Variants in ITGA1 observed in about 807,000 individuals in gnomAD.
ITGA1 encodes integrin subunit alpha 1, also known as integrin alpha-1.
In ITGA1, 85 loss-of-function variants were observed where a neutral mutation model predicts 145.9. That is an observed-to-expected ratio of 0.58 (90% confidence interval 0.49 to 0.70). ITGA1 has a LOEUF of 0.70. Ranked by LOEUF, ITGA1 falls within the 30% of genes least tolerant of loss-of-function variation. The pLI, the probability that ITGA1 is intolerant of heterozygous loss-of-function variation, is 0.00. For missense variants in ITGA1, 1,351 were observed against 1,418.7 expected (o/e 0.95, Z 0.77); for synonymous variants, 520 against 495.3 (o/e 1.05, Z -0.66).
intron 14 of ITGA1, among the ~76,000 whole-genome samples, chr5:52,912,558 AC>A (rs1750577430): frequency 7.5e-6 from 1 of 133,420 alleles, no homozygotes. Flanking sequence ...TAGTGTATCC[AC>A]TATAGGTATT....
chr5:52,828,246 A>T (rs1749001009), intron 1 of ITGA1, among the ~76,000 whole-genome samples: 1 of 152,182 alleles, frequency 6.6e-6, no homozygotes, highest in South Asian at 2.1e-4. Context: ...CCATAGCAAC[A>T]TTACCACTTT....
intron 1 of ITGA1, among the ~76,000 whole-genome samples, chr5:52,793,577 A>G (rs1748282845): frequency 6.6e-6 from 1 of 152,116 alleles, no homozygotes; most frequent in African/African-American, 2.4e-5. Context: ...TCAATAATAT[A>G]CAGTGTATGG....
chr5:52,883,324 G>A (rs1749991844), intron 7 of ITGA1, among the ~76,000 whole-genome samples: 1 of 152,198 alleles, frequency 6.6e-6, no homozygotes, highest in South Asian at 2.1e-4. Flanking sequence ...AAAACTAACT[G>A]AAGAAATATT....
intron 26 of ITGA1, 113 bp downstream of exon 26, chr5:52,940,057 G>A: frequency 1.4e-6 from 1 of 709,630 alleles, no homozygotes; most frequent in Non-Finnish European, 2.5e-6. Flanking sequence ...GCGACTGGAA[G>A]TATAAGAGGA....
chr5:52,812,741 GAA>G (rs949194399), intron 1 of ITGA1, among the ~76,000 whole-genome samples: 3 of 143,522 alleles, frequency 2.1e-5, no homozygotes, highest in African/African-American at 7.8e-5. Flanking sequence ...CAAAATATCT[GAA>G]AATTCCTAAG....
chr5:52,940,744 A>G (rs1270909474), intron 26 of ITGA1, among the ~76,000 whole-genome samples: 1 of 152,202 alleles, frequency 6.6e-6, no homozygotes, highest in African/African-American at 2.4e-5. Context: ...ATTTGATTAT[A>G]GTAAGTTGCT....
At chr5:52,885,970 C>A (rs1295189139) in intron 7 of ITGA1, among the ~76,000 whole-genome samples, 4 of 152,146 alleles carry the variant, frequency 2.6e-5, no homozygotes, top group South Asian at 2.1e-4. Context: ...AAATTCAATT[C>A]TTTTAAAAGA....
intron 11 of ITGA1, 181 bp from the exon 12 acceptor site, chr5:52,905,582 G>C: frequency 4.7e-6 from 2 of 424,184 alleles, no homozygotes. Context: ...AGTTGTGGTA[G>C]ATAGAGAGCA....
intron 1 of ITGA1, among the ~76,000 whole-genome samples, chr5:52,817,628 T>C (rs1748797794): frequency 6.6e-6 from 1 of 152,198 alleles, no homozygotes; most frequent in Non-Finnish European, 1.5e-5. Context: ...TATACAATTG[T>C]ACTTTAGTGC....
intron 6 of ITGA1, among the ~76,000 whole-genome samples, chr5:52,878,572 C>G (rs1170477735): frequency 6.6e-6 from 1 of 152,222 alleles, no homozygotes; most frequent in Non-Finnish European, 1.5e-5. Flanking sequence ...TCTTCAGCTC[C>G]TCTCATGTGA....
chr5:52,922,278 G>A (rs1039125113), intron 17 of ITGA1, among the ~76,000 whole-genome samples: 1 of 148,106 alleles, frequency 6.8e-6, no homozygotes, highest in African/African-American at 2.5e-5. Flanking sequence ...TCCAGCCTGG[G>A]TGACAGAGAG....
chr5:52,856,523 A>G (rs1166709009), intron 2 of ITGA1, among the ~76,000 whole-genome samples: 1 of 152,102 alleles, frequency 6.6e-6, no homozygotes, highest in Non-Finnish European at 1.5e-5. Context: ...GCCAGCTGCA[A>G]CCCACCTCAT....
intron 2 of ITGA1, among the ~76,000 whole-genome samples, chr5:52,854,983 T>C (rs1180951772): frequency 1.3e-5 from 2 of 152,150 alleles, no homozygotes; most frequent in African/African-American, 4.8e-5. Context: ...CAAGATCTAA[T>C]AGGAATAAAA....
At chr5:52,938,407 G>T (rs1302992263) in intron 24 of ITGA1, among the ~76,000 whole-genome samples, 3 of 152,140 alleles carry the variant, frequency 2.0e-5, no homozygotes, top group Non-Finnish European at 4.4e-5. Flanking sequence ...CATGATGTCA[G>T]AATTTGGAAA....
intron 26 of ITGA1, among the ~76,000 whole-genome samples, chr5:52,942,385 T>C (rs1288147092): frequency 6.6e-6 from 1 of 152,184 alleles, no homozygotes; most frequent in Non-Finnish European, 1.5e-5. Context: ...CATTTAATGA[T>C]ATTAAATGAA....
chr5:52,819,318 G>T (rs1748829291), intron 1 of ITGA1, among the ~76,000 whole-genome samples: 1 of 152,110 alleles, frequency 6.6e-6, no homozygotes, highest in African/African-American at 2.4e-5. Context: ...GTTGTTTCCT[G>T]ACTTTTTAAT....
At chr5:52,926,611 A>AATTATT (rs529864505) in intron 19 of ITGA1, among the ~76,000 whole-genome samples, 8 of 151,512 alleles carry the variant, frequency 5.3e-5, no homozygotes, top group South Asian at 2.1e-4. Context: ...TGTCTCAAAA[A>AATTATT]ATTATTATTA....
chr5:52,913,290 A>G (rs986003853), intron 14 of ITGA1, among the ~76,000 whole-genome samples: 2 of 152,130 alleles, frequency 1.3e-5, no homozygotes, highest in African/African-American at 4.8e-5. Flanking sequence ...TCTTGATTTT[A>G]TATTTAATGT....
At position 52,824,323 on chromosome 5, in the gene ITGA1, G is replaced by T. The variant is rs1431453917; in HGVS notation, c.62-25042G>T. ...TTTTTTTTTTTTTAGACGGAATCTTGCTCTGTTGCCCAGGCTGGAGCGGAA... is the reference window on the plus strand; with the variant it reads ...TTTTTTTTTTTTTAGACGGAATCTTTCTCTGTTGCCCAGGCTGGAGCGGAA... On this transcript the variant is annotated intron_variant, in intron 1 of 28. Transcript: ENST00000282588. The T allele has an allele frequency of 1.1e-4, 14 of 130,530 alleles. No individual in the cohort carries two copies. The Admixed American group carries it at 1.2e-3, about 11-fold the overall frequency. 8.1% of individuals were successfully genotyped at this position (130,530 alleles called of 1,614,324 possible).
Sources: gnomAD v4.1 joint callset for allele counts (sites outside exome capture counted in the v4.1 genomes callset) on GRCh38, gnomAD v4.1.1 for gene constraint, MANE v1.5 for transcripts, NCBI Gene and HGNC (gene_info 2026-07-23, HGNC 2026-07-21) for gene names.